Variants in JAM3 observed in about 807,000 individuals in gnomAD.
The protein encoded by JAM3 is junctional adhesion molecule C.
A neutral mutation model predicts 39.4 loss-of-function variants in JAM3; 31 were observed. That is an observed-to-expected ratio of 0.79 (90% confidence interval 0.59 to 1.06). The LOEUF (loss-of-function observed/expected upper bound fraction) is 1.06. Ranked by LOEUF, JAM3 falls within the 50% of genes least tolerant of loss-of-function variation. JAM3 has a pLI of 0.00. For missense variants in JAM3, 455 were observed against 391.4 expected, an observed-to-expected ratio of 1.16 and a Z score of -1.37; for synonymous variants, 182 against 148.7, an observed-to-expected ratio of 1.22 and a Z score of -1.63.
At chr11:134,140,065 G>A in intron 2 of JAM3, 149 bp downstream of exon 2, 1 of 696,084 alleles carries the variant, frequency 1.4e-6, no homozygotes, top group Non-Finnish European at 2.6e-6. Context: ...CTGGAAGCAT[G>A]GCATCAGCAG....
intron 1 of JAM3, among the ~76,000 whole-genome samples, chr11:134,115,305 C>T (rs913160271): frequency 3.3e-5 from 5 of 152,094 alleles, no homozygotes; most frequent in African/African-American, 7.2e-5. Flanking sequence ...AGGAGAAAAT[C>T]TAATCTAACA....
At chr11:134,137,154 C>G (rs930539159) in intron 1 of JAM3, among the ~76,000 whole-genome samples, 1 of 151,558 alleles carries the variant, frequency 6.6e-6, no homozygotes, top group African/African-American at 2.4e-5. Flanking sequence ...GCATTCATTT[C>G]TTTGCCATAA....
rs3216140 is a variant in JAM3, at chr11:134,144,778, C to CCA, written c.410-14_410-13insCA. The CCA allele has an allele frequency of 6.2e-7, 1 of 1,610,914 alleles. No individual in the cohort carries two copies. The highest frequency in any genetic ancestry group is 2.2e-5 in the East Asian group (1 of 44,826). Reference sequence around the variant, plus strand: ...GTCACTGAGATCTTAAACACCACCCCTTTTTCCCCACAGTGAAGCCAGTGA... The same window carrying CCA: ...GTCACTGAGATCTTAAACACCACCCCCATTTTTCCCCACAGTGAAGCCAGTGA... On this transcript the variant is annotated splice_polypyrimidine_tract_variant and intron_variant, in intron 4 of 8. Coordinates refer to ENST00000299106, the MANE Select transcript of JAM3 (RefSeq NM_032801.5).
At chr11:134,112,579 A>G (rs1487335954) in intron 1 of JAM3, among the ~76,000 whole-genome samples, 2 of 152,184 alleles carry the variant, frequency 1.3e-5, no homozygotes, top group African/African-American at 4.8e-5. Context: ...AGTATATACT[A>G]TGTGTCCACC....
intron 1 of JAM3, among the ~76,000 whole-genome samples, chr11:134,131,012 C>G (rs1942758955): frequency 2.0e-5 from 3 of 152,094 alleles, no homozygotes; most frequent in Admixed American, 1.3e-4. Context: ...GGGTGAGATT[C>G]TTAGGAAATT....
intron 6 of JAM3, among the ~76,000 whole-genome samples, chr11:134,147,022 C>A (rs1026450639): frequency 6.6e-6 from 1 of 152,202 alleles, no homozygotes; most frequent in African/African-American, 2.4e-5. Context: ...GTGTGTGAGA[C>A]AAGCGTTCCG....
At position 134,124,461 on chromosome 11, in the gene JAM3, C is replaced by T. The variant is rs192371991; in HGVS notation, c.77-15390C>T. 1.2e-5 allele frequency: 6 copies of T among 482,720 alleles called. No individual in the cohort carries two copies. The South Asian group carries it at 1.3e-4, about 10-fold the overall frequency. 29.9% of individuals were successfully genotyped at this position (482,720 alleles called of 1,614,324 possible). On this transcript the variant is annotated intron_variant, in intron 1 of 8. Coordinates refer to ENST00000299106, the MANE Select transcript of JAM3 (RefSeq NM_032801.5). ...TGCCTATTATCAATCAGTGTTTTCT[C>T]TATTCAACTTGTTTATTCCTTATGA...
rs534090043 is a variant in JAM3, at chr11:134,125,045, C to A, written c.77-14806C>A. 1.4e-4 allele frequency among the ~76,000 whole-genome samples: 22 copies of A among 152,342 alleles called. No homozygotes were observed. In the South Asian group the frequency reaches 2.9e-3, roughly 20 times the overall value. On this transcript the variant is annotated intron_variant, in intron 1 of 8. Coordinates refer to ENST00000299106, the MANE Select transcript of JAM3 (RefSeq NM_032801.5). ...GCCCGGTGGCGGCGGCGCGTCTCCA[C>A]GAGTCTGTCTTGCTGCTGCTCCTGC...
At chr11:134,122,509 C>T (rs932754009) in intron 1 of JAM3, among the ~76,000 whole-genome samples, 2 of 152,206 alleles carry the variant, frequency 1.3e-5, no homozygotes, top group Admixed American at 1.3e-4. Context: ...AATGCTGCTA[C>T]ACCGCTTCAC....
Position 134,140,777 on chromosome 11 carries a change from T to C in JAM3, c.256+7T>C, listed in dbSNP as rs758237469. The C allele has an allele frequency of 2.5e-5, 41 of 1,611,142 alleles. No homozygotes were observed. Among genetic ancestry groups the C allele is most frequent in the Non-Finnish European group, 3.5e-5 (41 of 1,178,450 alleles). ...TTTGACAACAAAATTCAGGGTATGA[T>C]CCTGTAGTCCTCTTGCCTGCTGACC... is the stretch of plus-strand genomic sequence containing the variant. On this transcript the variant is annotated splice_region_variant and intron_variant, in intron 3 of 8. Coordinates refer to ENST00000299106, the MANE Select transcript of JAM3 (RefSeq NM_032801.5).
chr11:134,072,448 A>G (rs1033657549), intron 1 of JAM3, among the ~76,000 whole-genome samples: 3 of 152,126 alleles, frequency 2.0e-5, no homozygotes, highest in Admixed American at 2.0e-4. Flanking sequence ...CTGAGATTAC[A>G]GATGCGTGCC....
intron 5 of JAM3, chr11:134,145,375 C>A: frequency 2.7e-6 from 1 of 363,668 alleles, no homozygotes; most frequent in Admixed American, 4.2e-5. Context: ...ATTGTGGTTA[C>A]GATTTTTTAC....
intron 1 of JAM3, among the ~76,000 whole-genome samples, chr11:134,101,848 C>T (rs1276514338): frequency 1.3e-5 from 2 of 152,048 alleles, no homozygotes; most frequent in African/African-American, 4.8e-5. Flanking sequence ...GAGAGGATTG[C>T]CTGAGGTCAG....
chr11:134,143,294 G>A lies in JAM3; in HGVS notation c.257-947G>A, dbSNP rs568974713. Among the ~76,000 whole-genome samples, 57 of 152,282 alleles carry A rather than the reference G, an allele frequency of 3.7e-4. 1 individual carries two copies. Among genetic ancestry groups the A allele is most frequent in the Admixed American group, 7.8e-4 (12 of 15,292 alleles). On this transcript the variant is annotated intron_variant, in intron 3 of 8. Transcript: ENST00000299106. Reference sequence around the variant, plus strand: ...CTAGCCATCTTAGTGGGTTGGAAGCGGCGTCTTGTGGATTTGATTTGCATT... The same window carrying A: ...CTAGCCATCTTAGTGGGTTGGAAGCAGCGTCTTGTGGATTTGATTTGCATT...
intron 6 of JAM3, among the ~76,000 whole-genome samples, chr11:134,146,602 T>C (rs1212931184): frequency 6.6e-6 from 1 of 152,036 alleles, no homozygotes; most frequent in Non-Finnish European, 1.5e-5. Flanking sequence ...GGGTCTTGCT[T>C]TGTTGCCCAG....
At chr11:134,076,621 T>G (rs1319087688) in intron 1 of JAM3, among the ~76,000 whole-genome samples, 1 of 152,166 alleles carries the variant, frequency 6.6e-6, no homozygotes. Flanking sequence ...TTGATTGATA[T>G]TAATCTGTGA....
At chr11:134,105,015 G>A (rs367934793) in intron 1 of JAM3, among the ~76,000 whole-genome samples, 1 of 152,078 alleles carries the variant, frequency 6.6e-6, no homozygotes, top group African/African-American at 2.4e-5. Context: ...ATGAGGCCAG[G>A]ATCATCGTGA....
chr11:134,138,323 G>C (rs28615707), intron 1 of JAM3, among the ~76,000 whole-genome samples: 122 of 111,740 alleles, frequency 1.1e-3, no homozygotes, highest in African/African-American at 1.4e-3. Flanking sequence ...GGTGGCGTCT[G>C]GTCGAAGTCG....
intron 1 of JAM3, among the ~76,000 whole-genome samples, chr11:134,138,397 G>A (rs956509309): frequency 2.6e-5 from 3 of 114,604 alleles, no homozygotes; most frequent in African/African-American, 1.2e-4. Context: ...GTGGTGTCTC[G>A]TCGAAGTCGT....
Sources: allele counts gnomAD v4.1 joint callset (sites outside exome capture counted in the v4.1 genomes callset), GRCh38; gene constraint gnomAD v4.1.1; transcripts MANE v1.5; gene names NCBI Gene and HGNC (gene_info 2026-07-23, HGNC 2026-07-21).